The following SIL1 variants were observed in gnomAD, a reference collection of about 807,000 sequenced individuals.
SIL1 encodes nucleotide exchange factor SIL1.
In SIL1, 40 loss-of-function variants were observed where a neutral mutation model predicts 49.1. That is an observed-to-expected ratio of 0.81 (90% CI 0.63 to 1.06). The LOEUF is 1.06. Among genes scored for constraint, SIL1 ranks in the 50% least tolerant of loss-of-function variants. SIL1 has a pLI of 0.00. For missense variants in SIL1, 500 were observed against 572.6 expected (o/e 0.87, Z 1.29); for synonymous variants, 253 against 250.8 (o/e 1.01, Z -0.08).
chr5:138,956,941 C>T (rs891671219), intron 7 of SIL1, among the ~76,000 whole-genome samples: 11 of 152,132 alleles, frequency 7.2e-5, no homozygotes, highest in African/African-American at 2.7e-4. Context: ...GGAGTTCCAT[C>T]TGGACACTGG....
chr5:138,974,322 G>C (rs1767348752), intron 7 of SIL1, among the ~76,000 whole-genome samples: 1 of 152,158 alleles, frequency 6.6e-6, no homozygotes, highest in African/African-American at 2.4e-5. Flanking sequence ...ATTCTTCACT[G>C]TCATGCCTGT....
intron 3 of SIL1, among the ~76,000 whole-genome samples, chr5:139,110,170 A>G (rs1770811981): frequency 7.1e-6 from 1 of 140,674 alleles, no homozygotes; most frequent in South Asian, 2.3e-4. Context: ...CTCTGTCTCG[A>G]AAAAAAAAAA....
At chr5:139,100,218 C>A (rs930378844) in intron 3 of SIL1, among the ~76,000 whole-genome samples, 5 of 152,100 alleles carry the variant, frequency 3.3e-5, no homozygotes, top group Non-Finnish European at 7.3e-5. Flanking sequence ...TCATATCAAT[C>A]CAGCTTTGGA....
intron 7 of SIL1, among the ~76,000 whole-genome samples, chr5:139,004,072 C>T (rs955853629): frequency 1.3e-5 from 2 of 152,192 alleles, no homozygotes; most frequent in Non-Finnish European, 2.9e-5. Context: ...GGCCAAGCAA[C>T]TAGGCTAAGA....
At chr5:139,029,064 T>G (rs1226772464) in intron 5 of SIL1, among the ~76,000 whole-genome samples, 1 of 152,226 alleles carries the variant, frequency 6.6e-6, no homozygotes, top group African/African-American at 2.4e-5. Context: ...CAACTTGAGC[T>G]CAGGAGTTCC....
intron 3 of SIL1, among the ~76,000 whole-genome samples, chr5:139,062,429 C>A (rs1457709771): frequency 2.6e-5 from 4 of 152,110 alleles, no homozygotes; most frequent in African/African-American, 9.7e-5. Flanking sequence ...AGCATGGCTT[C>A]CAGGCAAGGG....
chr5:139,117,251 C>T (rs753256784), intron 3 of SIL1, among the ~76,000 whole-genome samples: 27 of 152,198 alleles, frequency 1.8e-4, no homozygotes, highest in Admixed American at 2.6e-4. Flanking sequence ...TAGTATGGCA[C>T]AGTGGTTAGG....
intron 3 of SIL1, among the ~76,000 whole-genome samples, chr5:139,099,595 A>AT (rs1770542865): frequency 6.6e-6 from 1 of 152,236 alleles, no homozygotes; most frequent in Non-Finnish European, 1.5e-5. Context: ...CTATTCAGTC[A>AT]TTAAAAAAAA....
At chr5:139,066,554 T>C (rs1561849167) in intron 3 of SIL1, among the ~76,000 whole-genome samples, 1 of 152,314 alleles carries the variant, frequency 6.6e-6, no homozygotes, top group East Asian at 1.9e-4. Context: ...GCCTTGCTTA[T>C]TCTTTTCTAA....
At chr5:139,042,032 G>A (rs1036687957) in intron 5 of SIL1, among the ~76,000 whole-genome samples, 11 of 152,166 alleles carry the variant, frequency 7.2e-5, no homozygotes, top group African/African-American at 2.7e-4. Context: ...TGGCCAAGGG[G>A]CTGTAATTCT....
At chr5:139,021,356 C>T in intron 6 of SIL1, 64 bp from the exon 7 acceptor site, 1 of 1,598,826 alleles carries the variant, frequency 6.3e-7, no homozygotes. Context: ...TTCTTAGAGC[C>T]TTTCTTTTGG....
At chr5:139,148,195 A>G (rs1300731238) in intron 1 of SIL1, among the ~76,000 whole-genome samples, 2 of 152,238 alleles carry the variant, frequency 1.3e-5, no homozygotes, top group East Asian at 3.9e-4. Context: ...GTATATCACA[A>G]AACATTCAGG....
At chr5:139,056,744 G>T (rs1438247879) in intron 3 of SIL1, among the ~76,000 whole-genome samples, 3 of 151,072 alleles carry the variant, frequency 2.0e-5, no homozygotes, top group Admixed American at 6.6e-5. Flanking sequence ...GAGGTGAGGG[G>T]CGCCTCTGCC....
intron 1 of SIL1, among the ~76,000 whole-genome samples, chr5:139,149,704 A>G (rs1232104350): frequency 6.6e-6 from 1 of 152,148 alleles, no homozygotes; most frequent in Non-Finnish European, 1.5e-5. Flanking sequence ...TTAAAAGAGG[A>G]AAAGGAATTA....
intron 4 of SIL1, among the ~76,000 whole-genome samples, chr5:139,043,929 A>G (rs1769098999): frequency 6.6e-6 from 1 of 152,180 alleles, no homozygotes. Context: ...AGAGGTGAGG[A>G]GGAAGGGGCT....
chr5:139,024,096 C>A (rs1468605891), intron 6 of SIL1, among the ~76,000 whole-genome samples: 2 of 152,200 alleles, frequency 1.3e-5, no homozygotes, highest in Admixed American at 1.3e-4. Context: ...TGGACTCACA[C>A]CCTTCCAGGT....
intron 7 of SIL1, among the ~76,000 whole-genome samples, chr5:138,981,745 G>A (rs146490917): frequency 6.6e-5 from 10 of 152,320 alleles, no homozygotes; most frequent in African/African-American, 9.6e-5. Context: ...TCCCAGATGC[G>A]CAAATCTCAC....
chr5:139,101,607 G>C (rs546577544), intron 3 of SIL1, among the ~76,000 whole-genome samples: 1 of 152,154 alleles, frequency 6.6e-6, no homozygotes, highest in Non-Finnish European at 1.5e-5. Context: ...CACATAGCAA[G>C]TGCTCAATAA....
At chr5:138,964,230 C>T (rs890649628) in intron 7 of SIL1, among the ~76,000 whole-genome samples, 1 of 152,178 alleles carries the variant, frequency 6.6e-6, no homozygotes, top group Non-Finnish European at 1.5e-5. Context: ...ATACTGATCA[C>T]GCCCAGTGTG....
Sources: gnomAD v4.1 joint callset for allele counts (sites outside exome capture counted in the v4.1 genomes callset) on GRCh38, gnomAD v4.1.1 for gene constraint, MANE v1.5 for transcripts, NCBI Gene and HGNC (gene_info 2026-07-23, HGNC 2026-07-21) for gene names.